Variants in IQSEC1 observed in about 807,000 individuals in gnomAD.
IQSEC1 encodes the protein IQ motif and SEC7 domain-containing protein 1.
In IQSEC1, 31 loss-of-function variants were observed where a neutral mutation model predicts 91.0. The observed-to-expected ratio is 0.34, with a 90% CI of 0.26 to 0.46. IQSEC1 has a LOEUF of 0.46. Ranked by LOEUF, IQSEC1 falls within the 20% of genes least tolerant of loss-of-function variation. IQSEC1 has a pLI of 1.00. For synonymous variants in IQSEC1, 699 were observed against 662.6 expected (o/e 1.05, Z -0.84); for missense variants, 1,388 against 1,575.6 (o/e 0.88, Z 2.02).
intron 1 of IQSEC1, among the ~76,000 whole-genome samples, chr3:13,216,284 T>TTCCCAACCAGCA (rs1159693675): frequency 6.6e-6 from 1 of 152,172 alleles, no homozygotes; most frequent in Non-Finnish European, 1.5e-5. Flanking sequence ...AGAACAGCAT[T>TTCCCAACCAGCA]TCCCAACCAG....
intron 1 of IQSEC1, among the ~76,000 whole-genome samples, chr3:13,178,833 T>C (rs1693784524): frequency 1.3e-5 from 2 of 152,246 alleles, no homozygotes; most frequent in South Asian, 4.1e-4. Context: ...CCATAGACTG[T>C]TCTTTTTTAT....
In IQSEC1 at chr3:12,901,133, G is replaced by GC. The variant is rs1260204836; in HGVS notation, c.3194dup (p.His1066ProfsTer127). On this transcript the variant is annotated frameshift_variant, in exon 14 of 14. Transcript: ENST00000613206. LOFTEE classifies it low-confidence loss of function (END_TRUNC). ...GGGCATGGGCCCCGTAGGCTGGGTGGCCCCCATGGGGGCCGTGGTGGTACT... is the reference window on the plus strand; with the variant it reads ...GGGCATGGGCCCCGTAGGCTGGGTGGCCCCCCATGGGGGCCGTGGTGGTACT... The GC allele has an allele frequency of 1.3e-6, 2 of 1,542,882 alleles. No individual in the cohort carries two copies. Among genetic ancestry groups the GC allele is most frequent in the East Asian group, 2.4e-5 (1 of 40,878 alleles).
intron 12 of IQSEC1, among the ~76,000 whole-genome samples, chr3:12,905,621 A>G (rs1439996062): frequency 1.3e-5 from 2 of 152,206 alleles, no homozygotes; most frequent in African/African-American, 4.8e-5. Flanking sequence ...TGGGCCTGAC[A>G]TGGTGGGGAG....
At chr3:13,061,240 CTCT>C (rs1041809420) in intron 1 of IQSEC1, among the ~76,000 whole-genome samples, 2 of 152,182 alleles carry the variant, frequency 1.3e-5, no homozygotes, top group African/African-American at 4.8e-5. Flanking sequence ...ATGACTGCCT[CTCT>C]TCATCGTTCC....
chr3:13,025,762 C>T (rs1331576642), intron 1 of IQSEC1, among the ~76,000 whole-genome samples: 2 of 152,232 alleles, frequency 1.3e-5, no homozygotes, highest in South Asian at 4.1e-4. Context: ...TGAGACCTCT[C>T]CTTACTCACT....
At chr3:13,256,973 C>T (rs552047271) in intron 1 of IQSEC1, among the ~76,000 whole-genome samples, 18 of 152,306 alleles carry the variant, frequency 1.2e-4, no homozygotes, top group East Asian at 3.9e-4. Context: ...CCAGCCAACC[C>T]GCTGTGTGTT....
At chr3:13,172,508 G>T (rs1022858556) in intron 1 of IQSEC1, among the ~76,000 whole-genome samples, 2 of 152,172 alleles carry the variant, frequency 1.3e-5, no homozygotes, top group Non-Finnish European at 2.9e-5. Context: ...TAACGTTCCT[G>T]AAAGACTGCT....
chr3:13,228,263 C>CAGA (rs1694790219), intron 1 of IQSEC1, among the ~76,000 whole-genome samples: 1 of 152,060 alleles, frequency 6.6e-6, no homozygotes, highest in African/African-American at 2.4e-5. Context: ...GTACTAAGAA[C>CAGA]GTGCCAGAAG....
chr3:13,163,637 G>A (rs2124985415), intron 2 of IQSEC1, among the ~76,000 whole-genome samples: 1 of 152,300 alleles, frequency 6.6e-6, no homozygotes, highest in African/African-American at 2.4e-5. Context: ...GGGCGAGGAT[G>A]GGCAGGGGCA....
In IQSEC1 at chr3:12,901,420, C is replaced by T. The variant is rs932144204; in HGVS notation, c.2908G>A (p.Gly970Ser). Reference protein sequence around the residue: ...QTMPNSSSLLGSLFGSKRGKP... With the variant: ...QTMPNSSSLLSSLFGSKRGKP... ...CCTCTCTTGCTCCCGAATAAGGAGC[C>T]CAGGAGGGAAGATGAGTTGGGCATA... is the stretch of plus-strand genomic sequence containing the variant. Residue 970 changes from glycine to serine, a missense_variant, in exon 14 of 14, where the codon GGC (glycine) becomes AGC (serine). Physicochemically the swap from Gly to Ser is moderately conservative, Grantham distance 56 (BLOSUM62 0). Around this residue, in one of 2 missense-constraint regions of IQSEC1, gnomAD observed 329 missense variants for 257.8 expected, o/e 1.28. Transcript: ENST00000613206. 6.5e-7 allele frequency: 1 copy of T among 1,546,626 alleles called. No homozygotes were observed. Among genetic ancestry groups the T allele is most frequent in the Non-Finnish European group, 8.7e-7 (1 of 1,146,306 alleles).
chr3:13,070,049 A>T (rs1383523386), intron 1 of IQSEC1, among the ~76,000 whole-genome samples: 1 of 146,514 alleles, frequency 6.8e-6, no homozygotes. Context: ...CCAGGGGCCC[A>T]GAGAGTGGAA....
intron 1 of IQSEC1, among the ~76,000 whole-genome samples, chr3:13,247,816 C>T (rs996838005): frequency 6.6e-6 from 1 of 152,160 alleles, no homozygotes; most frequent in Non-Finnish European, 1.5e-5. Context: ...GCATTGCAGG[C>T]ACTGTTCCCC....
intron 1 of IQSEC1, among the ~76,000 whole-genome samples, chr3:12,958,729 T>C (rs1461200365): frequency 1.3e-5 from 2 of 152,224 alleles, no homozygotes; most frequent in African/African-American, 4.8e-5. Context: ...GGTGTGACTT[T>C]GGCTTGTTTT....
At chr3:13,231,696 T>C (rs1006275761) in intron 1 of IQSEC1, among the ~76,000 whole-genome samples, 3 of 152,234 alleles carry the variant, frequency 2.0e-5, no homozygotes, top group African/African-American at 7.2e-5. Context: ...AATGCAATAA[T>C]GAATGTGAAT....
intron 3 of IQSEC1, among the ~76,000 whole-genome samples, chr3:12,925,802 C>T (rs560546944): frequency 1.9e-4 from 29 of 152,356 alleles, no homozygotes; most frequent in Admixed American, 1.7e-3. Flanking sequence ...ACCAGGTCTG[C>T]ACCTGGCCAG....
chr3:13,020,097 C>T (rs1442477837), intron 1 of IQSEC1, among the ~76,000 whole-genome samples: 1 of 152,212 alleles, frequency 6.6e-6, no homozygotes, highest in Admixed American at 6.5e-5. Flanking sequence ...TTCCAAAGTG[C>T]CAATACCTGG....
At chr3:13,136,240 G>A (rs934790525) in intron 2 of IQSEC1, among the ~76,000 whole-genome samples, 4 of 152,184 alleles carry the variant, frequency 2.6e-5, no homozygotes, top group Non-Finnish European at 5.9e-5. Flanking sequence ...GGACAACTGC[G>A]TGTCCACGTG....
intron 1 of IQSEC1, among the ~76,000 whole-genome samples, chr3:13,248,211 C>T (rs1695139288): frequency 6.6e-6 from 1 of 152,200 alleles, no homozygotes; most frequent in East Asian, 1.9e-4. Flanking sequence ...GTCCCCAAGG[C>T]CACTGGAAAT....
At chr3:13,283,086 G>A (rs1416044563) in exon 1 of IQSEC1, among the ~76,000 whole-genome samples, 1 of 144,776 alleles carries the variant, frequency 6.9e-6, no homozygotes, top group African/African-American at 2.5e-5. Flanking sequence ...GCGCGGCGCG[G>A]GGCTGCCGCG....
Sources: allele counts gnomAD v4.1 joint callset (sites outside exome capture counted in the v4.1 genomes callset), GRCh38; gene constraint gnomAD v4.1.1; regional missense constraint gnomAD v4.1.1; transcripts MANE v1.5; gene names NCBI Gene and HGNC (gene_info 2026-07-23, HGNC 2026-07-21).